Variants in TARDBP observed in about 807,000 individuals in gnomAD.
TARDBP encodes the protein TAR DNA-binding protein 43.
A neutral mutation model predicts 38.3 loss-of-function variants in TARDBP; 4 were observed. The ratio of observed to expected loss-of-function variants is 0.10; its 90% CI spans 0.05 to 0.24. The LOEUF is 0.24. Among genes scored for constraint, TARDBP ranks in the 10% least tolerant of loss-of-function variants. The pLI, the probability that TARDBP is intolerant of heterozygous loss-of-function variation, is 1.00. For missense variants in TARDBP, 202 were observed against 521.9 expected (o/e 0.39, Z 5.97); for synonymous variants, 184 against 183.8 (o/e 1.00, Z -0.01).
intron 2 of TARDBP, among the ~76,000 whole-genome samples, chr1:11,015,349 G>C (rs1643499621): frequency 6.6e-6 from 1 of 151,872 alleles, no homozygotes; most frequent in African/African-American, 2.4e-5. Context: ...AGCCAGGCGT[G>C]GTGGTTCGCG....
intron 3 of TARDBP, chr1:11,018,320 C>CT: frequency 5.2e-6 from 1 of 191,658 alleles, no homozygotes; most frequent in South Asian, 5.7e-5. Context: ...TCCCAAGTAG[C>CT]TGGGACTACA....
rs953145872 is a variant in TARDBP, at chr1:11,013,876, G to C, written c.149G>C (p.Cys50Ser). 7.4e-6 allele frequency: 12 copies of C among 1,614,102 alleles called. No homozygotes were observed. The Admixed American group carries it at 1.7e-4, about 22-fold the overall frequency. Residue 50 changes from cysteine to serine, a missense_variant, in exon 2 of 6, where the codon TGT becomes TCT. By Grantham distance (112) the Cys-to-Ser change is moderately radical (BLOSUM62 -1). Coordinates refer to ENST00000240185, the MANE Select transcript of TARDBP (RefSeq NM_007375.4). ...GLRYRNPVSQ[C>S]MRGVRLVEGI... ...CGCTACAGGAATCCAGTGTCTCAGT[G>C]TATGAGAGGTGTCCGGCTGGTAGAA...
rs886045043 is a variant in TARDBP at position 11,024,276 on chromosome 1, ATT to A, written c.*1632_*1633del. 6.7e-6 allele frequency: 1 copy of A among 149,554 alleles called. No homozygotes were observed. The highest frequency in any genetic ancestry group is 2.5e-5 in the African/African-American group (1 of 40,712). The allele number at this position is 149,554 out of a possible 1,614,324, so 9.3% of individuals were successfully genotyped here. ...TGTTCTTGCATTGGCCAAAGTGAAA[ATT>A]TTTTTTTTTCTTTTGAAATCTAGTT... On this transcript the variant is annotated 3_prime_UTR_variant, in exon 6 of 6. Transcript: ENST00000240185.
At position 11,024,671 on chromosome 1, in the gene TARDBP, A is replaced by G. The variant is rs1643697000; in HGVS notation, c.*2017A>G. Reference sequence around the variant, plus strand: ...GGTGGGTTGTCTGTCTGGAAGTGTTAAGTGGAATGGGCTTTGTCCTCCAGG... The same window carrying G: ...GGTGGGTTGTCTGTCTGGAAGTGTTGAGTGGAATGGGCTTTGTCCTCCAGG... On this transcript the variant is annotated 3_prime_UTR_variant, in exon 6 of 6. Coordinates refer to ENST00000240185, the MANE Select transcript of TARDBP (RefSeq NM_007375.4). 6.5e-6 allele frequency: 1 copy of G among 152,722 alleles called. No individual in the cohort carries two copies. The highest frequency in any genetic ancestry group is 6.5e-5 in the Admixed American group (1 of 15,278). The allele number at this position is 152,722 out of a possible 1,614,324, so 9.5% of individuals were successfully genotyped here.
At chr1:11,018,100 T>C (rs937095066) in intron 3 of TARDBP, among the ~76,000 whole-genome samples, 1 of 151,906 alleles carries the variant, frequency 6.6e-6, no homozygotes, top group Non-Finnish European at 1.5e-5. Flanking sequence ...GGCAGGATGG[T>C]CTCGATCTCC....
chr1:11,015,653 G>C (rs1254335175), intron 2 of TARDBP: 1 of 132,110 alleles, frequency 7.6e-6, no homozygotes, highest in Admixed American at 8.2e-5. Flanking sequence ...CTAGGTGACA[G>C]AATGAGACTC....
downstream of TARDBP, chr1:11,027,331 TC>T (rs1643754748): frequency 1.2e-6 from 2 of 1,614,080 alleles, no homozygotes; most frequent in Non-Finnish European, 1.7e-6. Flanking sequence ...ACTTTGTTAT[TC>T]AATTTAATCA....
downstream of TARDBP, among the ~76,000 whole-genome samples, chr1:11,028,685 C>T (rs1303970700): frequency 7.0e-6 from 1 of 143,628 alleles, no homozygotes; most frequent in Non-Finnish European, 1.5e-5. Flanking sequence ...TAATATATTA[C>T]TATCTTTCTG....
At chr1:11,015,826 C>T (rs1163111497) in intron 2 of TARDBP, among the ~76,000 whole-genome samples, 1 of 151,746 alleles carries the variant, frequency 6.6e-6, no homozygotes, top group Non-Finnish European at 1.5e-5. Context: ...TCACTGCAAC[C>T]TCCGCCTCCC....
At position 11,023,022 on chromosome 1, in the gene TARDBP, C is replaced by A. The variant is rs548888176; in HGVS notation, c.*368C>A. The A allele has an allele frequency of 2.1e-6, 3 of 1,429,288 alleles. No individual in the cohort carries two copies. Among genetic ancestry groups the A allele is most frequent in the East Asian group, 5.1e-5 (2 of 39,406 alleles). 88.5% of individuals were successfully genotyped at this position (1,429,288 alleles called of 1,614,324 possible). A position where few individuals can be genotyped will look rare whatever the true frequency, so the allele number is the denominator to read the frequency against. The stretch of plus-strand genomic sequence containing the variant: ...GGAAACCATTGATTAGAACTACATT[C>A]TTTACCCCTTGTTTTAATTTGAACC... On this transcript the variant is annotated 3_prime_UTR_variant, in exon 6 of 6. Transcript: ENST00000240185.
In TARDBP at chr1:11,023,085, T is replaced by C; in HGVS notation, c.*431T>C. The stretch of plus-strand genomic sequence containing the variant: ...TTTTTTTCCTTAAGAAAATCTCCTT[T>C]TAGGAGATCATGGTGTCACAGTGTT... On this transcript the variant is annotated 3_prime_UTR_variant, in exon 6 of 6. Transcript: ENST00000240185. 1 of 1,495,244 alleles carries C rather than the reference T, an allele frequency of 6.7e-7. No individual in the cohort carries two copies. Among genetic ancestry groups the C allele is most frequent in the Non-Finnish European group, 8.9e-7 (1 of 1,118,222 alleles). The allele number at this position is 1,495,244 out of a possible 1,614,324, so 92.6% of individuals were successfully genotyped here. A position where few individuals can be genotyped will look rare whatever the true frequency, so the allele number is the denominator to read the frequency against.
At chr1:11,026,980 C>A, downstream of TARDBP, 1 of 1,586,716 alleles carries the variant, frequency 6.3e-7, no homozygotes, top group Non-Finnish European at 8.6e-7. Context: ...TTCATGGAAC[C>A]CCAGGACACT....
intron 5 of TARDBP, among the ~76,000 whole-genome samples, chr1:11,021,800 G>T (rs1643644346): frequency 6.6e-6 from 1 of 151,936 alleles, no homozygotes; most frequent in Non-Finnish European, 1.5e-5. Context: ...ATAGAGGTGG[G>T]GTCTCCCTGT....
At chr1:11,014,149 C>T (rs1643469115) in intron 2 of TARDBP, among the ~76,000 whole-genome samples, 184 bp downstream of exon 2, 1 of 152,144 alleles carries the variant, frequency 6.6e-6, no homozygotes, top group Non-Finnish European at 1.5e-5. Flanking sequence ...GATTGTAGAT[C>T]ATTTTAAAAG....
At position 11,013,561 on chromosome 1, in the gene TARDBP, C is replaced by T. The variant is rs556344477; in HGVS notation, c.-12-155C>T. Reference sequence around the variant, plus strand: ...GATAGGAAATCACTACCCTTACCTTCACCTCGTCATTTTTCAGGGATAACC... The same window carrying T: ...GATAGGAAATCACTACCCTTACCTTTACCTCGTCATTTTTCAGGGATAACC... On this transcript the variant is annotated intron_variant, in intron 1 of 5. Transcript: ENST00000240185. 8.5e-4 allele frequency among the ~76,000 whole-genome samples: 129 copies of T among 152,318 alleles called. 1 individual carries two copies. Among genetic ancestry groups the T allele is most frequent in the African/African-American group, 3.0e-3 (124 of 41,574 alleles).
Position 11,023,096 on chromosome 1 carries a change from T to C in TARDBP, c.*442T>C. The C allele has an allele frequency of 6.6e-7, 1 of 1,512,986 alleles. No homozygotes were observed. Among genetic ancestry groups the C allele is most frequent in the Non-Finnish European group, 8.9e-7 (1 of 1,126,210 alleles). 93.7% of individuals were successfully genotyped at this position (1,512,986 alleles called of 1,614,324 possible). A position where few individuals can be genotyped will look rare whatever the true frequency, so the allele number is the denominator to read the frequency against. On this transcript the variant is annotated 3_prime_UTR_variant, in exon 6 of 6. Coordinates refer to ENST00000240185, the MANE Select transcript of TARDBP (RefSeq NM_007375.4). ...AAGAAAATCTCCTTTTAGGAGATCA[T>C]GGTGTCACAGTGTTTGGTTCTTTTG... is the stretch of plus-strand genomic sequence containing the variant.
chr1:11,022,266 A>T lies in TARDBP; in HGVS notation c.857A>T (p.Gln286Leu). ...FGGNPGGFGN[Q>L]GGFGNSRGGG... is the part of the protein sequence containing the mutation. ...GGTAATCCAGGTGGCTTTGGGAATC[A>T]GGGTGGATTTGGTAATAGCAGAGGG... Residue 286 changes from glutamine (Q) to leucine (L), a missense_variant, in exon 6 of 6, where the codon CAG (glutamine) becomes CTG (leucine). Coordinates refer to ENST00000240185, the MANE Select transcript of TARDBP (RefSeq NM_007375.4). The surrounding 1 kb of genome is among the most constrained non-coding windows in gnomAD (Gnocchi z 4.5). 1 of 1,613,992 alleles carries T rather than the reference A, an allele frequency of 6.2e-7. No homozygotes were observed. Among genetic ancestry groups the T allele is most frequent in the South Asian group, 1.1e-5 (1 of 91,080 alleles).
chr1:11,027,661 G>T (rs766283782), downstream of TARDBP: 1 of 1,586,648 alleles, frequency 6.3e-7, no homozygotes, highest in East Asian at 2.2e-5. Context: ...GGAGAAAGAA[G>T]CAGATAGGTA....
At chr1:11,030,337 T>C, downstream of TARDBP, 1 of 910,846 alleles carries the variant, frequency 1.1e-6, no homozygotes, top group Non-Finnish European at 1.8e-6. Flanking sequence ...AAAATGTTGA[T>C]TCTTGAGCAT....
Sources: gnomAD v4.1 joint callset for allele counts (sites outside exome capture counted in the v4.1 genomes callset) on GRCh38, gnomAD v4.1.1 for gene constraint, Gnocchi (gnomAD v3.1) non-coding constraint, MANE v1.5 for transcripts, NCBI Gene and HGNC (gene_info 2026-07-23, HGNC 2026-07-21) for gene names.